FRMD4A: variants seen among roughly 807,000 people sequenced by gnomAD.
The protein encoded by FRMD4A is FERM domain containing 4A.
A neutral mutation model predicts 129.1 loss-of-function variants in FRMD4A; 29 were observed. The observed-to-expected ratio is 0.22, with a 90% CI of 0.17 to 0.31. FRMD4A has a LOEUF of 0.31. FRMD4A is among the 10% of genes least tolerant of loss of function. FRMD4A has a pLI of 1.00. For missense variants in FRMD4A, 1,272 were observed against 1,375.8 expected, an observed-to-expected ratio of 0.92 and a Z score of 1.19; for synonymous variants, 634 against 571.6, an observed-to-expected ratio of 1.11 and a Z score of -1.56.
At chr10:13,710,173 C>T (rs2087869134) in intron 12 of FRMD4A, among the ~76,000 whole-genome samples, 1 of 152,116 alleles carries the variant, frequency 6.6e-6, no homozygotes, top group South Asian at 2.1e-4. Context: ...CCCTCAAGCC[C>T]TCCAAGAGAA....
At chr10:13,884,098 A>T (rs1408926555) in intron 2 of FRMD4A, among the ~76,000 whole-genome samples, 1 of 119,700 alleles carries the variant, frequency 8.4e-6, no homozygotes, top group Non-Finnish European at 1.8e-5. Context: ...ATGCAATGGA[A>T]AAGAAACACA....
At chr10:14,146,166 T>C (rs1840064951) in intron 2 of FRMD4A, among the ~76,000 whole-genome samples, 1 of 152,168 alleles carries the variant, frequency 6.6e-6, no homozygotes, top group South Asian at 2.1e-4. Context: ...AGAAAGTTGA[T>C]ACATGGGAAA....
chr10:14,116,159 G>A (rs1044358794), intron 2 of FRMD4A, among the ~76,000 whole-genome samples: 32 of 152,226 alleles, frequency 2.1e-4, no homozygotes, highest in African/African-American at 7.5e-4. Context: ...GCATGCAAAT[G>A]GAAGGGTTGG....
intron 2 of FRMD4A, among the ~76,000 whole-genome samples, chr10:14,226,853 C>T (rs986796311): frequency 6.6e-6 from 1 of 152,178 alleles, no homozygotes; most frequent in Admixed American, 6.5e-5. Flanking sequence ...GCTTTACTGC[C>T]CTCCTGCTCC....
At chr10:14,110,015 T>C (rs1266388410) in intron 2 of FRMD4A, among the ~76,000 whole-genome samples, 1 of 143,082 alleles carries the variant, frequency 7.0e-6, no homozygotes, top group East Asian at 2.1e-4. Flanking sequence ...AAAAAGGTTT[T>C]CAACTCGGGA....
intron 2 of FRMD4A, among the ~76,000 whole-genome samples, chr10:14,240,345 G>A (rs1254996034): frequency 1.3e-5 from 2 of 152,136 alleles, no homozygotes; most frequent in Non-Finnish European, 2.9e-5. Context: ...GTGTGTGCGT[G>A]ACATTTCTAT....
intron 6 of FRMD4A, among the ~76,000 whole-genome samples, chr10:13,778,641 T>A (rs2092662209): frequency 6.8e-6 from 1 of 147,728 alleles, no homozygotes; most frequent in Non-Finnish European, 1.5e-5. Flanking sequence ...GTGTTAAGGT[T>A]TAATGGGTTT....
At chr10:14,101,192 G>C (rs916953024) in intron 2 of FRMD4A, among the ~76,000 whole-genome samples, 1 of 152,126 alleles carries the variant, frequency 6.6e-6, no homozygotes, top group Non-Finnish European at 1.5e-5. Context: ...TCTGGGCTAG[G>C]TGTCTTCTCA....
chr10:13,970,619 C>T (rs959642202), intron 2 of FRMD4A, among the ~76,000 whole-genome samples: 4 of 152,160 alleles, frequency 2.6e-5, no homozygotes, highest in African/African-American at 9.7e-5. Context: ...GGGTTACAAA[C>T]ACCCGTGAGA....
intron 12 of FRMD4A, among the ~76,000 whole-genome samples, chr10:13,734,669 G>A (rs1489608671): frequency 3.3e-5 from 5 of 151,896 alleles, no homozygotes; most frequent in Admixed American, 6.6e-5. Flanking sequence ...CCCAGTTGAC[G>A]CCTGCCTTCT....
chr10:14,046,885 G>A (rs1205342064), intron 2 of FRMD4A, among the ~76,000 whole-genome samples: 1 of 152,200 alleles, frequency 6.6e-6, no homozygotes, highest in Non-Finnish European at 1.5e-5. Context: ...CCACCATTGT[G>A]AGGCATGGGA....
intron 6 of FRMD4A, among the ~76,000 whole-genome samples, chr10:13,774,783 A>AAG (rs1253761498): frequency 6.6e-6 from 1 of 152,186 alleles, no homozygotes; most frequent in African/African-American, 2.4e-5. Flanking sequence ...TCGTACAGGA[A>AAG]AGAGAGACCA....
intron 2 of FRMD4A, among the ~76,000 whole-genome samples, chr10:13,966,362 G>A (rs777498486): frequency 1.3e-5 from 2 of 152,112 alleles, no homozygotes; most frequent in Non-Finnish European, 2.9e-5. Context: ...TGGTGCAAAA[G>A]CAATGGCGGT....
At chr10:14,198,440 A>AGGAGGAAGCAAAGGC (rs1452610859) in intron 2 of FRMD4A, among the ~76,000 whole-genome samples, 6 of 152,192 alleles carry the variant, frequency 3.9e-5, no homozygotes, top group Non-Finnish European at 5.9e-5. Context: ...AATTTCATGG[A>AGGAGGAAGCAAAGGC]GGAGGAAGCA....
chr10:13,893,768 G>C (rs1012620717), intron 2 of FRMD4A, among the ~76,000 whole-genome samples: 2 of 152,172 alleles, frequency 1.3e-5, no homozygotes, highest in Non-Finnish European at 2.9e-5. Context: ...ACCCACCTTG[G>C]CCACAGTGTT....
intron 2 of FRMD4A, chr10:14,008,464 G>T (rs2131631989): frequency 1.0e-6 from 1 of 996,916 alleles, no homozygotes; most frequent in East Asian, 1.0e-4. Context: ...GCCGTGTCCC[G>T]CTTGTGGGCA....
At chr10:13,792,512 T>C (rs1056344008) in intron 5 of FRMD4A, among the ~76,000 whole-genome samples, 1 of 152,130 alleles carries the variant, frequency 6.6e-6, no homozygotes. Context: ...TGAGACCTCA[T>C]CTCGCCTTCG....
chr10:14,318,360 A>C (rs1846833072), intron 2 of FRMD4A, among the ~76,000 whole-genome samples: 1 of 147,640 alleles, frequency 6.8e-6, no homozygotes, highest in African/African-American at 2.5e-5. Flanking sequence ...CATGGGCAAT[A>C]AAGACACAAA....
intron 16 of FRMD4A, among the ~76,000 whole-genome samples, chr10:13,673,621 G>T (rs927603442): frequency 2.0e-5 from 3 of 152,000 alleles, no homozygotes; most frequent in Non-Finnish European, 2.9e-5. Context: ...CATGTGTATT[G>T]CATTAAAACA....
Sources: allele counts gnomAD v4.1 joint callset (sites outside exome capture counted in the v4.1 genomes callset), GRCh38; gene constraint gnomAD v4.1.1; transcripts MANE v1.5; gene names NCBI Gene and HGNC (gene_info 2026-07-23, HGNC 2026-07-21).